MACROD2: variants seen among roughly 807,000 people sequenced by gnomAD.
MACROD2 encodes the protein ADP-ribose glycohydrolase MACROD2.
In MACROD2, 36 loss-of-function variants were observed where a neutral mutation model predicts 70.4. That is an observed-to-expected ratio of 0.51 (90% CI 0.39 to 0.68). MACROD2 has a LOEUF of 0.68. Ranked by LOEUF, MACROD2 falls within the 30% of genes least tolerant of loss-of-function variation. MACROD2 has a pLI of 0.00. For synonymous variants in MACROD2, 172 were observed against 178.8 expected, an observed-to-expected ratio of 0.96 and a Z score of 0.30; for missense variants, 496 against 538.4, an observed-to-expected ratio of 0.92 and a Z score of 0.78.
At chr20:14,425,354 C>T (rs1479199250) in intron 3 of MACROD2, among the ~76,000 whole-genome samples, 2 of 152,160 alleles carry the variant, frequency 1.3e-5, no homozygotes, top group African/African-American at 4.8e-5. Flanking sequence ...CTCCAGCTTT[C>T]TTACATAATT....
chr20:15,316,644 T>C (rs2077814038), intron 6 of MACROD2, among the ~76,000 whole-genome samples: 1 of 152,010 alleles, frequency 6.6e-6, no homozygotes, highest in Non-Finnish European at 1.5e-5. Flanking sequence ...AACACTGAAA[T>C]GGAGACCAAG....
In MACROD2 at chr20:15,107,365, G is replaced by GA. The variant is rs948778886; in HGVS notation, c.419-122565dup. Among the ~76,000 whole-genome samples, 1,254 of 147,418 alleles carry GA rather than the reference G, an allele frequency of 8.5e-3. 21 individuals are homozygous for GA. The highest frequency in any genetic ancestry group is 0.029 in the African/African-American group (1,154 of 40,274). On this transcript the variant is annotated intron_variant, in intron 5 of 17. Coordinates refer to ENST00000684519, the MANE Select transcript of MACROD2 (RefSeq NM_001351661.2). ...GCTGACACATAACCAATTAATAGTT[G>GA]AAAAAAAAAACTACCATTTGTTGTC...
chr20:15,216,512 A>C (rs1279181947), intron 5 of MACROD2, among the ~76,000 whole-genome samples: 1 of 152,194 alleles, frequency 6.6e-6, no homozygotes, highest in Non-Finnish European at 1.5e-5. Context: ...AAAAATCTTC[A>C]ACATTCGGAG....
chr20:14,162,992 T>G (rs2055212595), intron 3 of MACROD2, among the ~76,000 whole-genome samples: 1 of 152,160 alleles, frequency 6.6e-6, no homozygotes, highest in African/African-American at 2.4e-5. Flanking sequence ...TTTGGTGGTT[T>G]TCTGTAGAGG....
At chr20:14,108,067 T>C (rs375379365) in intron 3 of MACROD2, among the ~76,000 whole-genome samples, 21 of 151,978 alleles carry the variant, frequency 1.4e-4, no homozygotes, top group African/African-American at 3.9e-4. Flanking sequence ...TTTCAAGATA[T>C]AGACAGTACA....
intron 5 of MACROD2, among the ~76,000 whole-genome samples, chr20:15,151,855 G>A (rs1245254665): frequency 6.6e-6 from 1 of 152,000 alleles, no homozygotes; most frequent in Non-Finnish European, 1.5e-5. Context: ...AAGTATTATA[G>A]GGTGGAGGAG....
chr20:15,869,238 T>TATATATATATATATAGAGAGAGAGAGAG, intron 9 of MACROD2, among the ~76,000 whole-genome samples: 4 of 28,294 alleles, frequency 1.4e-4, no homozygotes, highest in Middle Eastern at 0.031. Context: ...TATATATATA[T>TATATATATATATATAGAGAGAGAGAGAG]AGAGAGAGAG....
intron 5 of MACROD2, among the ~76,000 whole-genome samples, chr20:14,821,317 A>G (rs113621232): frequency 0.055 from 8,362 of 152,148 alleles, 356 homozygotes; most frequent in Middle Eastern, 0.24. Flanking sequence ...GGAAGTTTAC[A>G]TGTTTCCTTT....
intron 3 of MACROD2, among the ~76,000 whole-genome samples, chr20:14,376,798 A>G (rs1400286354): frequency 1.4e-5 from 2 of 141,524 alleles, no homozygotes; most frequent in Non-Finnish European, 3.1e-5. Flanking sequence ...AATAATAATA[A>G]TGTACCCTTT....
chr20:14,868,450 G>A (rs1250164549), intron 5 of MACROD2, among the ~76,000 whole-genome samples: 1 of 151,942 alleles, frequency 6.6e-6, no homozygotes, highest in Non-Finnish European at 1.5e-5. Flanking sequence ...ACAGACATGA[G>A]CCACCATGCC....
intron 3 of MACROD2, among the ~76,000 whole-genome samples, chr20:14,252,731 A>G (rs1601402189): frequency 6.6e-6 from 1 of 152,152 alleles, no homozygotes; most frequent in African/African-American, 2.4e-5. Context: ...CCCTGTCTTG[A>G]TAACAAATTT....
intron 3 of MACROD2, among the ~76,000 whole-genome samples, chr20:14,154,102 A>T (rs1701307403): frequency 6.6e-6 from 1 of 152,232 alleles, no homozygotes; most frequent in Non-Finnish European, 1.5e-5. Flanking sequence ...TGTTAGATCT[A>T]CTAAATATTT....
At chr20:15,668,995 C>T (rs117863644) in intron 8 of MACROD2, among the ~76,000 whole-genome samples, 2,561 of 152,210 alleles carry the variant, frequency 0.017, 31 homozygotes, top group Middle Eastern at 0.044. Context: ...TACACATAAA[C>T]GTTAAAAACC....
At chr20:15,897,979 A>T (rs1220222147) in intron 10 of MACROD2, among the ~76,000 whole-genome samples, 2 of 152,172 alleles carry the variant, frequency 1.3e-5, no homozygotes, top group Non-Finnish European at 2.9e-5. Context: ...ATACCTGAAG[A>T]TATTACCTTA....
At chr20:16,031,315 G>A (rs1356166812) in intron 15 of MACROD2, among the ~76,000 whole-genome samples, 2 of 152,114 alleles carry the variant, frequency 1.3e-5, no homozygotes, top group Non-Finnish European at 2.9e-5. Flanking sequence ...TCCCTGAAAA[G>A]TTTGAGTATA....
chr20:14,928,531 G>T (rs576559184), intron 5 of MACROD2, among the ~76,000 whole-genome samples: 114 of 152,220 alleles, frequency 7.5e-4, no homozygotes, highest in Non-Finnish European at 1.1e-3. Flanking sequence ...GTAGGTAAGG[G>T]ATTTGCCAAA....
At chr20:15,144,445 A>T (rs557998207) in intron 5 of MACROD2, among the ~76,000 whole-genome samples, 97 of 152,358 alleles carry the variant, frequency 6.4e-4, no homozygotes, top group African/African-American at 2.2e-3. Flanking sequence ...TTATCCAATT[A>T]TAATACATTT....
chr20:15,459,976 T>A (rs2046785122), intron 7 of MACROD2, among the ~76,000 whole-genome samples: 1 of 152,140 alleles, frequency 6.6e-6, no homozygotes, highest in African/African-American at 2.4e-5. Flanking sequence ...GGAACACGCC[T>A]ATGACAGAAA....
In MACROD2 at chr20:14,795,474, A is replaced by G. The variant is rs1191061558; in HGVS notation, c.418+110515A>G. Among the ~76,000 whole-genome samples, 3 of 152,076 alleles carry G rather than the reference A, an allele frequency of 2.0e-5. No individual in the cohort carries two copies. In the East Asian group the frequency reaches 5.8e-4, roughly 29 times the overall value. On this transcript the variant is annotated intron_variant, in intron 5 of 17. Transcript: ENST00000684519. Reference sequence around the variant, plus strand: ...ACGAATGCTTCCTATGGATTAGAATAAGCAACTGGGTAGATGTTGATGTCA... The same window carrying G: ...ACGAATGCTTCCTATGGATTAGAATGAGCAACTGGGTAGATGTTGATGTCA...
Sources: allele counts gnomAD v4.1 joint callset (sites outside exome capture counted in the v4.1 genomes callset), GRCh38; gene constraint gnomAD v4.1.1; transcripts MANE v1.5; gene names NCBI Gene and HGNC (gene_info 2026-07-23, HGNC 2026-07-21).